Variants in DCC observed in about 807,000 individuals in gnomAD.
DCC encodes netrin receptor DCC.
In DCC, 58 loss-of-function variants were observed where a neutral mutation model predicts 172.5. The observed-to-expected ratio is 0.34, with a 90% CI of 0.27 to 0.42. The LOEUF (loss-of-function observed/expected upper bound fraction) is 0.42, where lower values mean the gene tolerates loss of function less well. Among genes scored for constraint, DCC ranks in the 10% least tolerant of loss-of-function variants. DCC has a pLI of 1.00. For synonymous variants in DCC, 709 were observed against 644.5 expected, an observed-to-expected ratio of 1.10 and a Z score of -1.52; for missense variants, 1,740 against 1,791.0, an observed-to-expected ratio of 0.97 and a Z score of 0.51.
intron 7 of DCC, among the ~76,000 whole-genome samples, chr18:53,154,792 A>G (rs1258730053): frequency 6.6e-6 from 1 of 152,156 alleles, no homozygotes; most frequent in Non-Finnish European, 1.5e-5. Flanking sequence ...ACCCAGGAGG[A>G]GAAGCAGGCT....
At chr18:52,607,154 T>C (rs2034150082) in intron 1 of DCC, among the ~76,000 whole-genome samples, 1 of 152,092 alleles carries the variant, frequency 6.6e-6, no homozygotes, top group African/African-American at 2.4e-5. Flanking sequence ...ACAGAGGCTC[T>C]AGGATCATTT....
At chr18:52,552,223 G>A (rs977603600) in intron 1 of DCC, among the ~76,000 whole-genome samples, 10 of 152,002 alleles carry the variant, frequency 6.6e-5, no homozygotes, top group African/African-American at 1.2e-4. Flanking sequence ...ATTAGGAGGA[G>A]ACCCACAGGA....
intron 1 of DCC, among the ~76,000 whole-genome samples, chr18:52,640,279 A>C (rs1052699920): frequency 2.0e-5 from 3 of 152,154 alleles, no homozygotes; most frequent in Admixed American, 2.0e-4. Flanking sequence ...AGTTGAAAGC[A>C]TTCCCTCTGA....
At chr18:52,420,743 G>C (rs1381873432) in intron 1 of DCC, among the ~76,000 whole-genome samples, 1 of 152,204 alleles carries the variant, frequency 6.6e-6, no homozygotes, top group East Asian at 1.9e-4. Context: ...TCAGTGAAGA[G>C]GTGGGAACAT....
chr18:52,625,111 A>T (rs1001246147), intron 1 of DCC, among the ~76,000 whole-genome samples: 8 of 152,268 alleles, frequency 5.3e-5, no homozygotes, highest in Admixed American at 5.2e-4. Flanking sequence ...GTTTTTGCGT[A>T]TCTAAACATA....
chr18:52,792,161 A>C (rs1019451314), intron 2 of DCC, among the ~76,000 whole-genome samples: 5 of 151,480 alleles, frequency 3.3e-5, no homozygotes, highest in Non-Finnish European at 7.4e-5. Context: ...AACTCTCCAG[A>C]CCAAGGGCAG....
chr18:52,711,684 G>A (rs2036294037), intron 1 of DCC, among the ~76,000 whole-genome samples: 2 of 152,052 alleles, frequency 1.3e-5, no homozygotes, highest in African/African-American at 2.4e-5. Flanking sequence ...AGGAGAGGAT[G>A]GAAGTGCCAC....
At chr18:52,512,997 G>A (rs570280204) in intron 1 of DCC, among the ~76,000 whole-genome samples, 7 of 152,294 alleles carry the variant, frequency 4.6e-5, no homozygotes, top group African/African-American at 1.7e-4. Context: ...GGAGCTAGGA[G>A]TAGAAAATAT....
intron 1 of DCC, among the ~76,000 whole-genome samples, chr18:52,719,442 G>A (rs1015131147): frequency 7.9e-5 from 12 of 152,110 alleles, no homozygotes; most frequent in African/African-American, 2.4e-4. Context: ...TGAGGGCTCC[G>A]ACGGGGAGGT....
intron 9 of DCC, among the ~76,000 whole-genome samples, chr18:53,198,888 G>T (rs1164078510): frequency 1.3e-5 from 2 of 152,070 alleles, no homozygotes; most frequent in Admixed American, 6.6e-5. Context: ...ATTAGAAGCA[G>T]TTTGCCACAA....
chr18:52,825,424 T>C (rs1003253620), intron 2 of DCC, among the ~76,000 whole-genome samples: 5 of 152,226 alleles, frequency 3.3e-5, no homozygotes. Flanking sequence ...ATTTCTATTT[T>C]ATATAAACCT....
intron 1 of DCC, among the ~76,000 whole-genome samples, chr18:52,478,983 G>A (rs1145250): frequency 0.21 from 32,226 of 152,096 alleles, 4,278 homozygotes; most frequent in Non-Finnish European, 0.29. Flanking sequence ...CTGCTGGCAT[G>A]GGAATGAAAC....
chr18:52,663,758 T>G (rs1208198561), intron 1 of DCC, among the ~76,000 whole-genome samples: 1 of 152,218 alleles, frequency 6.6e-6, no homozygotes, highest in Non-Finnish European at 1.5e-5. Flanking sequence ...GAAAGTCATT[T>G]AACAATGTTA....
At chr18:52,953,784 G>T (rs1226471432) in intron 5 of DCC, among the ~76,000 whole-genome samples, 2 of 152,152 alleles carry the variant, frequency 1.3e-5, no homozygotes. Flanking sequence ...AGAGATGAAG[G>T]TGCATCAGCT....
chr18:52,541,956 T>C (rs975351936), intron 1 of DCC, among the ~76,000 whole-genome samples: 25 of 146,016 alleles, frequency 1.7e-4, no homozygotes, highest in Admixed American at 6.2e-4. Context: ...ATATAAAATA[T>C]ATACACTATA....
chr18:52,340,767 C>G lies in DCC; in HGVS notation c.-21C>G. The G allele has an allele frequency of 6.2e-7, 1 of 1,603,880 alleles. No homozygotes were observed. Among genetic ancestry groups the G allele is most frequent in the Non-Finnish European group, 8.5e-7 (1 of 1,170,956 alleles). ...GCTGCCGCTGCCCGCGACCCCTGGC[C>G]CCGAAGGTGTTGGCTGAAATATGGA... is the stretch of plus-strand genomic sequence containing the variant. On this transcript the variant is annotated 5_prime_UTR_variant, in exon 1 of 29. Coordinates refer to ENST00000442544, the MANE Select transcript of DCC (RefSeq NM_005215.4).
chr18:52,594,190 A>G (rs1045800606), intron 1 of DCC, among the ~76,000 whole-genome samples: 2 of 152,198 alleles, frequency 1.3e-5, no homozygotes, highest in Non-Finnish European at 2.9e-5. Context: ...TATTTGGTAG[A>G]AACTTGTGCC....
rs138117889 is a variant in DCC at position 52,798,034 on chromosome 18, CAGGTTGCTTGCACGA to C, written c.412+45689_412+45703del. Among the ~76,000 whole-genome samples the C allele has an allele frequency of 8.4e-3, 1,081 of 128,276 alleles. 10 individuals carry two copies. Among genetic ancestry groups the C allele is most frequent in the South Asian group, 0.018 (57 of 3,138 alleles). 84.2% of individuals were successfully genotyped at this position (128,276 alleles called of 152,430 possible). A position where few individuals can be genotyped will look rare whatever the true frequency, so the allele number is the denominator to read the frequency against. Reference sequence around the variant, plus strand: ...GCAGGGAAGATTAATCCCCAGATGCCAGGTTGCTTGCACGAAGGTTGCTTGCACGAAGGTTGCTTG... The same window carrying C: ...GCAGGGAAGATTAATCCCCAGATGCCAGGTTGCTTGCACGAAGGTTGCTTG... On this transcript the variant is annotated intron_variant, in intron 2 of 28. Transcript: ENST00000442544.
At chr18:53,323,425 C>G (rs1195971385) in intron 14 of DCC, among the ~76,000 whole-genome samples, 1 of 152,158 alleles carries the variant, frequency 6.6e-6, no homozygotes, top group Non-Finnish European at 1.5e-5. Flanking sequence ...CATATTAATT[C>G]AAAGAATGTT....
Sources: gnomAD v4.1 joint callset for allele counts (sites outside exome capture counted in the v4.1 genomes callset) on GRCh38, gnomAD v4.1.1 for gene constraint, MANE v1.5 for transcripts, NCBI Gene and HGNC (gene_info 2026-07-23, HGNC 2026-07-21) for gene names.